Variants in HIPK2 observed in about 807,000 individuals in gnomAD.
HIPK2 encodes the protein homeodomain interacting protein kinase 2, also known as homeodomain-interacting protein kinase 2.
HIPK2 carries 27 observed loss-of-function variants against 113.7 expected under a neutral mutation model. The ratio of observed to expected loss-of-function variants is 0.24; its 90% confidence interval spans 0.17 to 0.33. The LOEUF (loss-of-function observed/expected upper bound fraction) is 0.33. Ranked by LOEUF, HIPK2 falls within the 10% of genes least tolerant of loss-of-function variation. The pLI is 1.00. For synonymous variants in HIPK2, 631 were observed against 642.2 expected (o/e 0.98, Z 0.26); for missense variants, 1,257 against 1,588.0 (o/e 0.79, Z 3.54).
intron 2 of HIPK2, among the ~76,000 whole-genome samples, chr7:139,703,853 A>C (rs1794790888): frequency 4.7e-5 from 1 of 21,396 alleles, no homozygotes; most frequent in African/African-American, 2.5e-4. Flanking sequence ...CCCACACTAT[A>C]CCCAACCTAC....
intron 1 of HIPK2, among the ~76,000 whole-genome samples, chr7:139,751,553 G>T (rs145019817): frequency 6.4e-5 from 9 of 139,604 alleles, no homozygotes; most frequent in Admixed American, 3.5e-4. Flanking sequence ...GAGGGAGGGA[G>T]GGAGGGAGGG....
At chr7:139,601,264 C>A (rs1242154617) in intron 10 of HIPK2, among the ~76,000 whole-genome samples, 1 of 151,804 alleles carries the variant, frequency 6.6e-6, no homozygotes, top group East Asian at 1.9e-4. Context: ...AAAAGTTTCA[C>A]CTTAATTTTA....
intron 2 of HIPK2, among the ~76,000 whole-genome samples, chr7:139,702,675 T>C (rs910802000): frequency 6.6e-6 from 1 of 152,198 alleles, no homozygotes; most frequent in African/African-American, 2.4e-5. Context: ...TGCATGGGCA[T>C]GCAGGCCATG....
chr7:139,644,761 C>T (rs575271197), intron 2 of HIPK2, among the ~76,000 whole-genome samples: 1 of 152,350 alleles, frequency 6.6e-6, no homozygotes, highest in East Asian at 1.9e-4. Flanking sequence ...CTTTTCTCTG[C>T]ACTGGCAAGG....
intron 12 of HIPK2, among the ~76,000 whole-genome samples, chr7:139,587,513 A>AG (rs1798876565): frequency 6.9e-6 from 1 of 145,336 alleles, no homozygotes; most frequent in Non-Finnish European, 1.5e-5. Context: ...AAAAAAAAAA[A>AG]GCAAAAGAGA....
intron 2 of HIPK2, among the ~76,000 whole-genome samples, chr7:139,692,317 A>T (rs554221960): frequency 2.0e-5 from 3 of 152,354 alleles, no homozygotes; most frequent in Admixed American, 2.0e-4. Flanking sequence ...GAGCACCAAA[A>T]ATAGATGTAA....
At chr7:139,755,847 A>C (rs189056708) in intron 1 of HIPK2, among the ~76,000 whole-genome samples, 7 of 152,340 alleles carry the variant, frequency 4.6e-5, no homozygotes, top group African/African-American at 1.7e-4. Flanking sequence ...CATTGATTCG[A>C]GTTGCACCAC....
At position 139,716,899 on chromosome 7, in the gene HIPK2, A is replaced by G. The variant is rs1170379511; in HGVS notation, c.136T>C (p.Ser46Pro). 1 of 1,613,670 alleles carries G rather than the reference A, an allele frequency of 6.2e-7. No homozygotes were observed. Among genetic ancestry groups the G allele is most frequent in the Non-Finnish European group, 8.5e-7 (1 of 1,179,814 alleles). ...CTCTGGCTATACACTTTGCTGTGGG[A>G]GCCGTACCCAGTCATGTCCCAGTTG... ...SSNWDMTGYG[S>P]HSKVYSQSKN... The change falls in exon 2 of 15, where the codon TCC becomes CCC. Residue 46 changes from serine to proline, a missense_variant. Coordinates refer to ENST00000406875, the MANE Select transcript of HIPK2 (RefSeq NM_022740.5). This position sits in a 1 kb window ranked among gnomAD's most constrained non-coding sequence, Gnocchi z 9.3.
intron 2 of HIPK2, among the ~76,000 whole-genome samples, chr7:139,654,102 A>G (rs1801571131): frequency 6.6e-6 from 1 of 152,226 alleles, no homozygotes; most frequent in South Asian, 2.1e-4. Context: ...ATAAAGCAGC[A>G]AAACAGAGCC....
At position 139,631,909 on chromosome 7, in the gene HIPK2, G is replaced by A; in HGVS notation, c.1104-184C>T. 7 of 272,524 alleles carry A rather than the reference G, an allele frequency of 2.6e-5. No individual in the cohort carries two copies. Among genetic ancestry groups the A allele is most frequent in the South Asian group, 1.4e-4 (1 of 7,148 alleles). The allele number at this position is 272,524 out of a possible 1,614,324, so 16.9% of individuals were successfully genotyped here. On this transcript the variant is annotated intron_variant, in intron 2 of 14. Coordinates refer to ENST00000406875, the MANE Select transcript of HIPK2 (RefSeq NM_022740.5). The surrounding 1 kb of genome is among the most constrained non-coding windows in gnomAD (Gnocchi z 4.9). ...TTCTTTGGCTTGGTCCCCTCCATTA[G>A]TGGAGGGCCCACTTGGAAGGTTGGC...
chr7:139,679,323 C>G (rs1802615806), intron 2 of HIPK2, among the ~76,000 whole-genome samples: 1 of 152,154 alleles, frequency 6.6e-6, no homozygotes, highest in Non-Finnish European at 1.5e-5. Flanking sequence ...GCCTAATCAC[C>G]TCTTAAAGGC....
chr7:139,731,301 C>T (rs754419723), intron 1 of HIPK2, among the ~76,000 whole-genome samples: 1 of 152,208 alleles, frequency 6.6e-6, no homozygotes, highest in Non-Finnish European at 1.5e-5. Context: ...AGCTTTACTC[C>T]CACGTTTTAG....
At chr7:139,579,317 A>G (rs1320961918) in intron 13 of HIPK2, among the ~76,000 whole-genome samples, 1 of 152,222 alleles carries the variant, frequency 6.6e-6, no homozygotes, top group Non-Finnish European at 1.5e-5. Flanking sequence ...AAGAATTCGG[A>G]GCATTCATTT....
chr7:139,749,419 C>T (rs1006737378), intron 1 of HIPK2, among the ~76,000 whole-genome samples: 5 of 152,220 alleles, frequency 3.3e-5, no homozygotes, highest in African/African-American at 4.8e-5. Flanking sequence ...GAAAACCTGG[C>T]TTGAATCCTA....
chr7:139,691,035 T>C (rs931090604), intron 2 of HIPK2, among the ~76,000 whole-genome samples: 3 of 152,156 alleles, frequency 2.0e-5, no homozygotes, highest in Admixed American at 6.6e-5. Context: ...CCAATGTATT[T>C]GACATAAAAA....
At position 139,614,466 on chromosome 7, in the gene HIPK2, A is replaced by T; in HGVS notation, c.1810T>A (p.Ser604Thr). The T allele has an allele frequency of 6.8e-7, 1 of 1,462,802 alleles. No homozygotes were observed. Among genetic ancestry groups the T allele is most frequent in the Non-Finnish European group, 9.1e-7 (1 of 1,094,616 alleles). The allele number at this position is 1,462,802 out of a possible 1,614,324, so 90.6% of individuals were successfully genotyped here. ...ATGGAGACTTCGGGATTGGCTAAGG[A>T]AATAGTGGCACTGGTAGAGGAGGGA... ...QAPSSTSATI[S>T]LANPEVSILN... is the part of the protein sequence containing the mutation. The change falls in exon 8 of 15, where the codon TCC (serine) becomes ACC (threonine). Residue 604 changes from serine (S) to threonine (T), a missense_variant. Ser to Thr is a moderately conservative substitution (Grantham distance 58). Around this residue, in one of 5 missense-constraint regions of HIPK2, gnomAD observed 862 missense variants for 1,004.3 expected, o/e 0.86. Transcript: ENST00000406875.
intron 2 of HIPK2, among the ~76,000 whole-genome samples, chr7:139,678,911 C>G (rs1305776083): frequency 1.3e-5 from 2 of 152,132 alleles, no homozygotes; most frequent in Non-Finnish European, 2.9e-5. Context: ...GTATTTTATT[C>G]TCTTTATAGC....
At chr7:139,673,534 G>C (rs931798330) in intron 2 of HIPK2, among the ~76,000 whole-genome samples, 20 of 152,128 alleles carry the variant, frequency 1.3e-4, no homozygotes, top group Non-Finnish European at 2.6e-4. Context: ...GCTGTCATAG[G>C]CCATCTGTGT....
At chr7:139,733,383 G>GC (rs1407936054) in intron 1 of HIPK2, among the ~76,000 whole-genome samples, 17 of 152,298 alleles carry the variant, frequency 1.1e-4, no homozygotes, top group African/African-American at 3.4e-4. Context: ...CAAAGCTTCT[G>GC]CATCTCTTTT....
Sources: gnomAD v4.1 joint callset for allele counts (sites outside exome capture counted in the v4.1 genomes callset) on GRCh38, gnomAD v4.1.1 for gene constraint, gnomAD v4.1.1 regional missense constraint, Gnocchi (gnomAD v3.1) non-coding constraint, MANE v1.5 for transcripts, NCBI Gene and HGNC (gene_info 2026-07-23, HGNC 2026-07-21) for gene names.